The following HTR7 variants were observed in gnomAD, a reference collection of about 807,000 sequenced individuals.
HTR7 encodes the protein 5-HT-7.
A neutral mutation model predicts 34.0 loss-of-function variants in HTR7; 16 were observed. That is an observed-to-expected ratio of 0.47 (90% CI 0.32 to 0.71). The LOEUF is 0.71. HTR7 is among the 30% of genes least tolerant of loss of function. HTR7 has a pLI of 0.04. For synonymous variants in HTR7, 265 were observed against 260.2 expected (o/e 1.02, Z -0.18); for missense variants, 504 against 625.5 (o/e 0.81, Z 2.07).
intron 1 of HTR7, among the ~76,000 whole-genome samples, chr10:90,818,007 A>G (rs896188025): frequency 4.6e-5 from 7 of 152,240 alleles, no homozygotes; most frequent in African/African-American, 1.4e-4. Flanking sequence ...AGGCAAATCT[A>G]TAGACAGAAA....
At chr10:90,760,250 G>A (rs963554236) in intron 1 of HTR7, among the ~76,000 whole-genome samples, 5 of 152,114 alleles carry the variant, frequency 3.3e-5, no homozygotes, top group African/African-American at 1.2e-4. Context: ...AAATAAGCCA[G>A]GTACAGAAAG....
At chr10:90,810,462 G>A (rs531644010) in intron 1 of HTR7, among the ~76,000 whole-genome samples, 20 of 152,092 alleles carry the variant, frequency 1.3e-4, no homozygotes, top group Admixed American at 3.3e-4. Context: ...GTTATCACTC[G>A]CCTGCTACAG....
rs547341285 is a variant in HTR7 at position 90,802,266 on chromosome 10, GA to G, written c.540-52673del. On this transcript the variant is annotated intron_variant, in intron 1 of 3. Coordinates refer to ENST00000336152, the MANE Select transcript of HTR7 (RefSeq NM_019859.4). ...CAGGGTCAGGCCAGCCAGCCAATCT[GA>G]AAAGACTAGGAGTCCAAGACACATA... 2.1e-3 allele frequency among the ~76,000 whole-genome samples: 321 copies of G among 152,336 alleles called. 1 individual carries two copies. The highest frequency in any genetic ancestry group is 0.01 in the Middle Eastern group (3 of 294).
chr10:90,794,627 A>G (rs1845510458), intron 1 of HTR7, among the ~76,000 whole-genome samples: 1 of 151,930 alleles, frequency 6.6e-6, no homozygotes, highest in Admixed American at 6.6e-5. Context: ...CAGCCTCCCA[A>G]GTAACTGGGA....
intron 1 of HTR7, among the ~76,000 whole-genome samples, chr10:90,753,265 C>T (rs1023901678): frequency 6.6e-6 from 1 of 152,166 alleles, no homozygotes; most frequent in African/African-American, 2.4e-5. Flanking sequence ...GGCGCAGTGG[C>T]TCATGCCTAT....
chr10:90,766,108 G>C (rs10159878), intron 1 of HTR7, among the ~76,000 whole-genome samples: 2 of 152,116 alleles, frequency 1.3e-5, no homozygotes, highest in East Asian at 1.9e-4. Flanking sequence ...TCATTGTTGA[G>C]AGTAGGATAT....
intron 1 of HTR7, among the ~76,000 whole-genome samples, chr10:90,766,524 T>C (rs1463370560): frequency 2.6e-5 from 4 of 152,216 alleles, no homozygotes; most frequent in African/African-American, 7.2e-5. Flanking sequence ...TCCATGTACA[T>C]TGAAATTACA....
intron 1 of HTR7, among the ~76,000 whole-genome samples, chr10:90,835,558 CT>C (rs1043680195): frequency 1.3e-5 from 2 of 152,190 alleles, no homozygotes; most frequent in African/African-American, 4.8e-5. Context: ...TCAACTATTG[CT>C]TGTTTTCTTG....
chr10:90,775,239 T>C (rs1387630607), intron 1 of HTR7, among the ~76,000 whole-genome samples: 1 of 152,146 alleles, frequency 6.6e-6, no homozygotes, highest in Non-Finnish European at 1.5e-5. Flanking sequence ...TTCGAGGCAA[T>C]AGTGATAGGA....
At chr10:90,806,299 A>AG in intron 1 of HTR7, among the ~76,000 whole-genome samples, 1 of 152,306 alleles carries the variant, frequency 6.6e-6, no homozygotes, top group Admixed American at 6.5e-5. Context: ...GCTGTGCTGT[A>AG]TTAAGTTCCT....
intron 1 of HTR7, among the ~76,000 whole-genome samples, chr10:90,772,008 T>C (rs896427712): frequency 1.3e-5 from 2 of 152,150 alleles, no homozygotes; most frequent in African/African-American, 4.8e-5. Context: ...AAAAAATCCC[T>C]TTTGGTCAGA....
intron 1 of HTR7, among the ~76,000 whole-genome samples, chr10:90,838,924 T>C (rs1846288377): frequency 6.6e-6 from 1 of 152,258 alleles, no homozygotes; most frequent in African/African-American, 2.4e-5. Flanking sequence ...TTAACTTATC[T>C]GTTTCTTATC....
intron 1 of HTR7, among the ~76,000 whole-genome samples, chr10:90,792,247 T>C (rs908465828): frequency 2.0e-5 from 3 of 152,146 alleles, no homozygotes; most frequent in Non-Finnish European, 2.9e-5. Context: ...AAAAATAAGA[T>C]AACAACAAGT....
At chr10:90,788,688 AAATTTTG>A (rs2119872112) in intron 1 of HTR7, among the ~76,000 whole-genome samples, 1 of 152,354 alleles carries the variant, frequency 6.6e-6, no homozygotes, top group East Asian at 1.9e-4. Flanking sequence ...AACAAAACAA[AAATTTTG>A]AATGTACTTC....
chr10:90,798,641 G>A (rs1845577369), intron 1 of HTR7, among the ~76,000 whole-genome samples: 1 of 152,210 alleles, frequency 6.6e-6, no homozygotes, highest in Admixed American at 6.5e-5. Flanking sequence ...TTTAGCCCAG[G>A]AGGTTGAGGC....
chr10:90,770,330 G>C (rs1420001780), intron 1 of HTR7, among the ~76,000 whole-genome samples: 1 of 152,176 alleles, frequency 6.6e-6, no homozygotes, highest in African/African-American at 2.4e-5. Context: ...GCACAGTTGG[G>C]CACGGAGGGG....
chr10:90,780,246 T>C (rs1845285713), intron 1 of HTR7, among the ~76,000 whole-genome samples: 2 of 151,672 alleles, frequency 1.3e-5, no homozygotes, highest in South Asian at 4.2e-4. Context: ...AGTAAGAAAA[T>C]AAAATTCGGC....
intron 1 of HTR7, among the ~76,000 whole-genome samples, chr10:90,778,590 A>G (rs1183592359): frequency 6.6e-6 from 1 of 152,228 alleles, no homozygotes; most frequent in East Asian, 1.9e-4. Context: ...ACAGAAAATA[A>G]GCTAAGACAT....
At chr10:90,836,552 C>G (rs941828346) in intron 1 of HTR7, among the ~76,000 whole-genome samples, 3 of 150,728 alleles carry the variant, frequency 2.0e-5, no homozygotes, top group Non-Finnish European at 3.0e-5. Context: ...TGCTCTGTTG[C>G]TCACGCTGGA....
Sources: allele counts gnomAD v4.1 joint callset (sites outside exome capture counted in the v4.1 genomes callset), GRCh38; gene constraint gnomAD v4.1.1; transcripts MANE v1.5; gene names NCBI Gene and HGNC (gene_info 2026-07-23, HGNC 2026-07-21).